MAF: variants seen among roughly 807,000 people sequenced by gnomAD.
The protein encoded by MAF is MAF bZIP transcription factor, also known as transcription factor Maf.
MAF carries 10 observed loss-of-function variants against 22.0 expected under a neutral mutation model. The ratio of observed to expected loss-of-function variants is 0.45; its 90% CI spans 0.28 to 0.77. MAF has a LOEUF of 0.77. MAF is among the 30% of genes least tolerant of loss of function. MAF has a pLI of 0.12. For synonymous variants in MAF, 337 were observed against 255.8 expected, an observed-to-expected ratio of 1.32 and a Z score of -3.03; for missense variants, 544 against 548.4, an observed-to-expected ratio of 0.99 and a Z score of 0.08.
chr16:79,520,924 AAAG>A, the MAF span, among the ~76,000 whole-genome samples: 1 of 152,176 alleles, frequency 6.6e-6, no homozygotes, highest in Non-Finnish European at 1.5e-5. Context: ...ACACCCCTAG[AAAG>A]AAGGAGTTAC....
chr16:79,398,943 T>C, the MAF span, among the ~76,000 whole-genome samples: 2 of 152,202 alleles, frequency 1.3e-5, no homozygotes, highest in Admixed American at 6.5e-5. Context: ...TCCATTCTGA[T>C]TGCCTGCAGT....
the MAF span, among the ~76,000 whole-genome samples, chr16:79,547,920 TAG>T: frequency 5.8e-5 from 7 of 120,872 alleles, no homozygotes; most frequent in East Asian, 9.6e-4. Flanking sequence ...GAGAGAGAGA[TAG>T]AGAGAGAGAG....
the MAF span, among the ~76,000 whole-genome samples, chr16:79,276,607 T>G: frequency 6.6e-6 from 1 of 152,158 alleles, no homozygotes; most frequent in Non-Finnish European, 1.5e-5. Context: ...TGAGCAACTT[T>G]GACATCACCC....
Position 79,599,983 on chromosome 16 carries a change from C to T in MAF, c.-81G>A. ...GGGGCCAGCGGGCTGTGCTGGGTGG[C>T]CAGCGGGTGAGCCAGCTTGCCGGGC... is the stretch of plus-strand genomic sequence containing the variant. On this transcript the variant is annotated 5_prime_UTR_variant, in exon 1 of 2. Coordinates refer to ENST00000326043, the MANE Select transcript of MAF (RefSeq NM_005360.5). 1 of 1,584,256 alleles carries T rather than the reference C, an allele frequency of 6.3e-7. No individual in the cohort carries two copies. Among genetic ancestry groups the T allele is most frequent in the Non-Finnish European group, 8.5e-7 (1 of 1,170,360 alleles).
At chr16:79,280,628 C>A in the MAF span, among the ~76,000 whole-genome samples, 1 of 152,160 alleles carries the variant, frequency 6.6e-6, no homozygotes, top group African/African-American at 2.4e-5. Flanking sequence ...ATAGATATTT[C>A]TTCTCTCTGG....
the MAF span, among the ~76,000 whole-genome samples, chr16:79,214,339 G>C: frequency 5.3e-5 from 8 of 152,146 alleles, no homozygotes; most frequent in Non-Finnish European, 2.9e-5. Context: ...ACCACTGAAA[G>C]AATGATTCTG....
the MAF span, among the ~76,000 whole-genome samples, chr16:79,401,997 C>T: frequency 1.3e-5 from 2 of 152,072 alleles, no homozygotes; most frequent in African/African-American, 4.8e-5. Context: ...ACCCTGAGGC[C>T]AAAGAGGTTA....
At chr16:79,304,159 C>A in the MAF span, among the ~76,000 whole-genome samples, 3 of 152,204 alleles carry the variant, frequency 2.0e-5, no homozygotes, top group Non-Finnish European at 4.4e-5. Context: ...GACAATGTGA[C>A]TGGAGTCCAG....
chr16:79,307,858 T>C, the MAF span, among the ~76,000 whole-genome samples: 1 of 152,218 alleles, frequency 6.6e-6, no homozygotes. Flanking sequence ...GACTGAATTT[T>C]ATAGAAAGCT....
chr16:79,250,442 G>A, the MAF span, among the ~76,000 whole-genome samples: 1 of 152,194 alleles, frequency 6.6e-6, no homozygotes, highest in Admixed American at 6.5e-5. Flanking sequence ...TTGGCACTTG[G>A]CTCTTTAATT....
the MAF span, among the ~76,000 whole-genome samples, chr16:79,244,273 A>C: frequency 1.7e-4 from 26 of 152,186 alleles, no homozygotes; most frequent in Non-Finnish European, 2.9e-4. Flanking sequence ...AGGGAGTCAA[A>C]TTGTCTCTGT....
the MAF span, among the ~76,000 whole-genome samples, chr16:79,521,886 T>C: frequency 3.3e-5 from 5 of 152,224 alleles, no homozygotes; most frequent in Admixed American, 3.3e-4. Context: ...AGAATCATCA[T>C]CTTAATTTTC....
chr16:79,468,016 C>A, the MAF span, among the ~76,000 whole-genome samples: 1 of 152,120 alleles, frequency 6.6e-6, no homozygotes, highest in Admixed American at 6.5e-5. Flanking sequence ...GATCAGACAT[C>A]AATCCAACAG....
the MAF span, among the ~76,000 whole-genome samples, chr16:79,462,028 A>T: frequency 6.6e-6 from 1 of 152,096 alleles, no homozygotes; most frequent in South Asian, 2.1e-4. Flanking sequence ...TGGAGTCTCT[A>T]CTTTCTCCAC....
the MAF span, among the ~76,000 whole-genome samples, chr16:79,422,516 G>A: frequency 6.6e-6 from 1 of 152,124 alleles, no homozygotes; most frequent in East Asian, 1.9e-4. Flanking sequence ...GAGATTCAAT[G>A]AGCCTCTTTC....
At chr16:79,558,726 C>G in the MAF span, among the ~76,000 whole-genome samples, 1 of 152,174 alleles carries the variant, frequency 6.6e-6, no homozygotes, top group Non-Finnish European at 1.5e-5. Flanking sequence ...AGCCTTACTA[C>G]CCAGCTAGGG....
At chr16:79,314,765 T>G in the MAF span, among the ~76,000 whole-genome samples, 2 of 152,166 alleles carry the variant, frequency 1.3e-5, no homozygotes, top group Non-Finnish European at 1.5e-5. Flanking sequence ...GAGGCCCAGA[T>G]GATGTTTTGC....
chr16:79,294,712 G>A, the MAF span, among the ~76,000 whole-genome samples: 3 of 152,176 alleles, frequency 2.0e-5, no homozygotes, highest in African/African-American at 4.8e-5. Context: ...CTAGATAGTG[G>A]GAGAAGGAGG....
chr16:79,213,693 G>C, the MAF span, among the ~76,000 whole-genome samples: 72,535 of 152,110 alleles, frequency 0.48, 19,771 homozygotes, highest in Non-Finnish European at 0.63. Flanking sequence ...CCAGCAGTTA[G>C]TTAGTTAGAC....
Sources: gnomAD v4.1 joint callset for allele counts (sites outside exome capture counted in the v4.1 genomes callset) on GRCh38, gnomAD v4.1.1 for gene constraint, MANE v1.5 for transcripts, NCBI Gene and HGNC (gene_info 2026-07-23, HGNC 2026-07-21) for gene names.